SH3BP4: variants seen among roughly 807,000 people sequenced by gnomAD.
SH3BP4 encodes SH3 domain-binding protein 4.
SH3BP4 carries 33 observed loss-of-function variants against 65.5 expected under a neutral mutation model. The observed-to-expected ratio is 0.50, with a 90% CI of 0.38 to 0.67. The LOEUF (loss-of-function observed/expected upper bound fraction) is 0.67, where lower values mean the gene tolerates loss of function less well. Ranked by LOEUF, SH3BP4 falls within the 30% of genes least tolerant of loss-of-function variation. The pLI is 0.00. For synonymous variants in SH3BP4, 552 were observed against 545.5 expected (o/e 1.01, Z -0.17); for missense variants, 1,134 against 1,261.4 (o/e 0.90, Z 1.53).
At chr2:235,036,537 C>T (rs371338183) in intron 3 of SH3BP4, among the ~76,000 whole-genome samples, 31 of 151,924 alleles carry the variant, frequency 2.0e-4, no homozygotes, top group Admixed American at 6.6e-4. Flanking sequence ...AGGCGGATCA[C>T]GAGGTCAGGA....
chr2:234,988,455 A>G (rs1693649804), intron 1 of SH3BP4, among the ~76,000 whole-genome samples: 1 of 152,196 alleles, frequency 6.6e-6, no homozygotes. Flanking sequence ...ACCCCTGGCC[A>G]TCAGTTTATG....
intron 2 of SH3BP4, among the ~76,000 whole-genome samples, chr2:235,006,344 C>A (rs1410634437): frequency 6.6e-6 from 1 of 152,184 alleles, no homozygotes; most frequent in African/African-American, 2.4e-5. Flanking sequence ...GTATCATACG[C>A]ATCATGGGTT....
At chr2:234,984,181 A>G (rs372276102) in intron 1 of SH3BP4, among the ~76,000 whole-genome samples, 4 of 151,850 alleles carry the variant, frequency 2.6e-5, no homozygotes, top group Admixed American at 1.3e-4. Context: ...CACAGGGCAT[A>G]TACACGTGTA....
chr2:234,953,156 T>G (rs1377615062), intron 1 of SH3BP4: 1 of 152,264 alleles, frequency 6.6e-6, no homozygotes, highest in African/African-American at 2.4e-5. Flanking sequence ...ACTATAGAAT[T>G]TATCCGTGAT....
chr2:235,034,198 G>A lies in SH3BP4; in HGVS notation c.-132-673G>A, dbSNP rs1464681033. On this transcript the variant is annotated intron_variant, in intron 2 of 5. Transcript: ENST00000392011. This position sits in a 1 kb window ranked among gnomAD's most constrained non-coding sequence, Gnocchi z 6.2. Reference sequence around the variant, plus strand: ...AGCAGAGGCCTTAGGGGTGATTCTTGTGGTCTCTTCCACGGAAAGATCTTT... The same window carrying A: ...AGCAGAGGCCTTAGGGGTGATTCTTATGGTCTCTTCCACGGAAAGATCTTT... Among the ~76,000 whole-genome samples, 2 of 152,180 alleles carry A rather than the reference G, an allele frequency of 1.3e-5. No homozygotes were observed. The highest frequency in any genetic ancestry group is 2.9e-5 in the Non-Finnish European group (2 of 68,038).
At position 235,035,894 on chromosome 2, in the gene SH3BP4, C is replaced by A. The variant is rs1357227721; in HGVS notation, c.118+774C>A. On this transcript the variant is annotated intron_variant, in intron 3 of 5. Transcript: ENST00000392011. The surrounding 1 kb of genome is among the most constrained non-coding windows in gnomAD (Gnocchi z 5.0). ...ATGCTCCTTTGGGGCTTGGCAGTTG[C>A]GGTGACAGCACCATCATCATCAATA... Among the ~76,000 whole-genome samples the A allele has an allele frequency of 6.6e-6, 1 of 152,216 alleles. No individual in the cohort carries two copies. Among genetic ancestry groups the A allele is most frequent in the Non-Finnish European group, 1.5e-5 (1 of 68,036 alleles).
intron 1 of SH3BP4, among the ~76,000 whole-genome samples, chr2:234,970,309 C>T (rs929865736): frequency 6.6e-6 from 1 of 152,192 alleles, no homozygotes; most frequent in Non-Finnish European, 1.5e-5. Flanking sequence ...CGGGACTTCT[C>T]CTTTGTGCAT....
Position 235,034,727 on chromosome 2 carries a change from G to C in SH3BP4, c.-132-144G>C. 2.4e-6 allele frequency: 1 copy of C among 416,828 alleles called. No individual in the cohort carries two copies. The highest frequency in any genetic ancestry group is 4.4e-6 in the Non-Finnish European group (1 of 226,002). 25.8% of individuals were successfully genotyped at this position (416,828 alleles called of 1,614,324 possible). A position where few individuals can be genotyped will look rare whatever the true frequency, so the allele number is the denominator to read the frequency against. Reference sequence around the variant, plus strand: ...GAGGCCAAGGAGCAAGCGCTGCTCTGCTCTGTTGGGCCAGGAAAGATGAAA... The same window carrying C: ...GAGGCCAAGGAGCAAGCGCTGCTCTCCTCTGTTGGGCCAGGAAAGATGAAA... On this transcript the variant is annotated intron_variant, in intron 2 of 5. Transcript: ENST00000392011. This position sits in a 1 kb window ranked among gnomAD's most constrained non-coding sequence, Gnocchi z 6.2.
chr2:235,015,257 A>G (rs1212271524), intron 2 of SH3BP4, among the ~76,000 whole-genome samples: 2 of 146,810 alleles, frequency 1.4e-5, no homozygotes, highest in Admixed American at 6.6e-5. Context: ...GCTGAGTAAA[A>G]ATAAGAGTAT....
chr2:234,954,365 C>T (rs1574768215), intron 1 of SH3BP4, among the ~76,000 whole-genome samples: 1 of 152,132 alleles, frequency 6.6e-6, no homozygotes, highest in South Asian at 2.1e-4. Context: ...TTTCTGTAAC[C>T]GTCTGTCGTT....
intron 2 of SH3BP4, among the ~76,000 whole-genome samples, chr2:235,013,035 G>T (rs374481427): frequency 6.6e-6 from 1 of 152,320 alleles, no homozygotes. Context: ...GGAAATTTCA[G>T]CCCACTCACA....
chr2:235,015,157 T>G (rs2106301850), intron 2 of SH3BP4, among the ~76,000 whole-genome samples: 1 of 152,356 alleles, frequency 6.6e-6, no homozygotes, highest in South Asian at 2.1e-4. Flanking sequence ...AAAGAAATCA[T>G]ACTACCCAAT....
At chr2:234,962,636 G>A (rs1574773631) in intron 1 of SH3BP4, among the ~76,000 whole-genome samples, 4 of 152,136 alleles carry the variant, frequency 2.6e-5, no homozygotes, top group Admixed American at 6.5e-5. Flanking sequence ...AGATATTTTC[G>A]CTTGAAGTAT....
At chr2:235,039,571 C>T (rs1055930488) in intron 3 of SH3BP4, among the ~76,000 whole-genome samples, 4 of 150,962 alleles carry the variant, frequency 2.6e-5, no homozygotes, top group African/African-American at 7.3e-5. Context: ...CAGCAGACTC[C>T]GTAAGTGAGG....
At chr2:234,963,306 T>C (rs1272906158) in intron 1 of SH3BP4, among the ~76,000 whole-genome samples, 1 of 152,262 alleles carries the variant, frequency 6.6e-6, no homozygotes, top group Non-Finnish European at 1.5e-5. Flanking sequence ...CTTTTACTTT[T>C]ATTGTGCTTA....
intron 2 of SH3BP4, among the ~76,000 whole-genome samples, chr2:235,018,707 G>T (rs1694761666): frequency 6.6e-6 from 1 of 152,166 alleles, no homozygotes; most frequent in Admixed American, 6.5e-5. Context: ...CTGCCTTTGG[G>T]TTCCAGTTAC....
intron 2 of SH3BP4, among the ~76,000 whole-genome samples, chr2:235,016,379 C>T (rs1307608997): frequency 1.3e-5 from 2 of 152,134 alleles, no homozygotes; most frequent in South Asian, 2.1e-4. Flanking sequence ...GGGTGTGCTG[C>T]GGTGTTGTAC....
chr2:234,976,422 G>T lies in SH3BP4; in HGVS notation c.-206-18881G>T, dbSNP rs1693168977. 6.6e-6 allele frequency among the ~76,000 whole-genome samples: 1 copy of T among 152,162 alleles called. No individual in the cohort carries two copies. The highest frequency in any genetic ancestry group is 2.4e-5 in the African/African-American group (1 of 41,434). ...TGAGTAGTTAAGTTAGATCCTTAGG[G>T]GGTGACAGGGCCGGTGTGTACCAGG... On this transcript the variant is annotated intron_variant, in intron 1 of 5. Transcript: ENST00000392011. This position sits in a 1 kb window ranked among gnomAD's most constrained non-coding sequence, Gnocchi z 4.7.
chr2:235,024,839 G>C (rs1694950445), intron 2 of SH3BP4, among the ~76,000 whole-genome samples: 1 of 152,142 alleles, frequency 6.6e-6, no homozygotes, highest in Non-Finnish European at 1.5e-5. Flanking sequence ...AGTGAGTAGT[G>C]TTTGGAGGGC....
Sources: gnomAD v4.1 joint callset for allele counts (sites outside exome capture counted in the v4.1 genomes callset) on GRCh38, gnomAD v4.1.1 for gene constraint, Gnocchi (gnomAD v3.1) non-coding constraint, MANE v1.5 for transcripts, NCBI Gene and HGNC (gene_info 2026-07-23, HGNC 2026-07-21) for gene names.